The following DLGAP1 variants were observed in gnomAD, a reference collection of about 807,000 sequenced individuals.
DLGAP1 encodes the protein DLG associated protein 1, also known as disks large-associated protein 1.
DLGAP1 carries 11 observed loss-of-function variants against 90.8 expected under a neutral mutation model. The observed-to-expected ratio is 0.12, with a 90% CI of 0.08 to 0.20. DLGAP1 has a LOEUF of 0.20. DLGAP1 is among the 10% of genes least tolerant of loss of function. The probability of loss-of-function intolerance (pLI) is 1.00; values close to 1 mark genes in which losing one functional copy is unlikely to be tolerated. For missense variants in DLGAP1, 1,050 were observed against 1,333.8 expected (o/e 0.79, Z 3.31); for synonymous variants, 558 against 540.7 (o/e 1.03, Z -0.44).
At chr18:4,126,356 C>T (rs1345166138) in intron 2 of DLGAP1, among the ~76,000 whole-genome samples, 1 of 152,230 alleles carries the variant, frequency 6.6e-6, no homozygotes, top group East Asian at 1.9e-4. Flanking sequence ...GGGACAACTT[C>T]TAAGATCACA....
chr18:4,085,366 T>C (rs1444794898), intron 2 of DLGAP1, among the ~76,000 whole-genome samples: 1 of 152,248 alleles, frequency 6.6e-6, no homozygotes, highest in East Asian at 1.9e-4. Context: ...CTGAGGAATC[T>C]GCTTCCTTTT....
At chr18:3,874,271 C>G (rs765110032) in intron 4 of DLGAP1, 23 of 1,549,426 alleles carry the variant, frequency 1.5e-5, no homozygotes, top group Middle Eastern at 1.7e-4. Flanking sequence ...CTTTCCTTCT[C>G]GGTCTGTCTT....
At chr18:3,523,812 C>T (rs1198307545) in intron 10 of DLGAP1, among the ~76,000 whole-genome samples, 3 of 148,884 alleles carry the variant, frequency 2.0e-5, no homozygotes, top group Non-Finnish European at 4.4e-5. Context: ...AGCGCCACTG[C>T]ACTCCAGCCT....
chr18:3,731,484 C>T (rs927679716), intron 6 of DLGAP1, among the ~76,000 whole-genome samples: 4 of 151,594 alleles, frequency 2.6e-5, no homozygotes, highest in Admixed American at 6.6e-5. Context: ...TGCAGTGGCA[C>T]GAACAAGGCT....
At chr18:3,723,772 T>A (rs2062060042) in intron 7 of DLGAP1, among the ~76,000 whole-genome samples, 2 of 152,188 alleles carry the variant, frequency 1.3e-5, no homozygotes, top group African/African-American at 4.8e-5. Flanking sequence ...GTTTCAGAGC[T>A]GCCAGGAATG....
chr18:4,250,078 C>T (rs925853864), intron 1 of DLGAP1, among the ~76,000 whole-genome samples: 1 of 152,164 alleles, frequency 6.6e-6, no homozygotes, highest in African/African-American at 2.4e-5. Flanking sequence ...AATCGCACTT[C>T]GGAGTTCAGC....
At chr18:3,851,237 A>G (rs1044012393) in intron 4 of DLGAP1, among the ~76,000 whole-genome samples, 2 of 152,152 alleles carry the variant, frequency 1.3e-5, no homozygotes, top group South Asian at 4.1e-4. Flanking sequence ...AAAAGACTGA[A>G]ATTTACGCAG....
intron 3 of DLGAP1, chr18:3,986,095 C>T (rs2073836687): frequency 6.6e-6 from 1 of 152,218 alleles, no homozygotes; most frequent in African/African-American, 2.4e-5. Flanking sequence ...AACATCCTCC[C>T]TCTTCCCATT....
chr18:4,060,212 A>G (rs943024181), intron 2 of DLGAP1, among the ~76,000 whole-genome samples: 6 of 152,170 alleles, frequency 3.9e-5, no homozygotes, highest in African/African-American at 1.4e-4. Context: ...GCAACTCTGG[A>G]GTTGGGAAGT....
chr18:3,580,722 A>G, intron 8 of DLGAP1: 7 of 1,613,860 alleles, frequency 4.3e-6, no homozygotes, highest in Non-Finnish European at 5.9e-6. Flanking sequence ...CAGGCCTCTC[A>G]GGACCAGGAC....
intron 7 of DLGAP1, among the ~76,000 whole-genome samples, chr18:3,600,987 G>T (rs62084033): frequency 0.31 from 13,584 of 44,448 alleles, 3,107 homozygotes; most frequent in African/African-American, 0.38. Context: ...TATAGATATA[G>T]ATATATAGAT....
chr18:3,773,011 A>G (rs1164239915), intron 5 of DLGAP1, among the ~76,000 whole-genome samples: 2 of 152,304 alleles, frequency 1.3e-5, no homozygotes, highest in Middle Eastern at 3.4e-3. Context: ...AAAGAAGAGA[A>G]CATTTTTACT....
At chr18:3,678,064 C>G (rs920127100) in intron 7 of DLGAP1, among the ~76,000 whole-genome samples, 1 of 150,132 alleles carries the variant, frequency 6.7e-6, no homozygotes, top group African/African-American at 2.5e-5. Flanking sequence ...CAGGTTCAAG[C>G]GATTCTCCTG....
intron 1 of DLGAP1, among the ~76,000 whole-genome samples, chr18:4,355,839 TACTA>T (rs1446180049): frequency 2.1e-5 from 2 of 96,110 alleles, no homozygotes; most frequent in Non-Finnish European, 5.2e-5. Flanking sequence ...GAGTCTCCCA[TACTA>T]GACTAGCTGC....
intron 1 of DLGAP1, among the ~76,000 whole-genome samples, chr18:4,172,701 G>A (rs1319242324): frequency 6.6e-6 from 1 of 152,208 alleles, no homozygotes; most frequent in Admixed American, 6.5e-5. Context: ...TAGCAACAGA[G>A]CTGATGGCAT....
At chr18:4,444,139 A>G (rs1232746479) in intron 1 of DLGAP1, among the ~76,000 whole-genome samples, 1 of 152,200 alleles carries the variant, frequency 6.6e-6, no homozygotes. Flanking sequence ...GCCGGTGTGC[A>G]GCTAACTTAG....
chr18:3,566,375 TAC>T (rs930255775), intron 9 of DLGAP1, among the ~76,000 whole-genome samples: 5 of 151,236 alleles, frequency 3.3e-5, no homozygotes, highest in African/African-American at 7.3e-5. Context: ...TGCCATATTA[TAC>T]ACACACACAC....
chr18:3,634,290 C>A (rs1323028765), intron 7 of DLGAP1, among the ~76,000 whole-genome samples: 1 of 151,862 alleles, frequency 6.6e-6, no homozygotes, highest in Admixed American at 6.6e-5. Flanking sequence ...AAAGGTGAAT[C>A]TTTTTTATAA....
intron 3 of DLGAP1, among the ~76,000 whole-genome samples, chr18:3,982,656 TTTATAGCC>T (rs1286375070): frequency 6.6e-6 from 1 of 152,120 alleles, no homozygotes; most frequent in Non-Finnish European, 1.5e-5. Flanking sequence ...ATTCATTCCA[TTTATAGCC>T]CTTCTTCTCC....
Sources: gnomAD v4.1 joint callset for allele counts (sites outside exome capture counted in the v4.1 genomes callset) on GRCh38, gnomAD v4.1.1 for gene constraint, MANE v1.5 for transcripts, NCBI Gene and HGNC (gene_info 2026-07-23, HGNC 2026-07-21) for gene names.